Variants in TNKS observed in about 807,000 individuals in gnomAD.
The protein encoded by TNKS is poly [ADP-ribose] polymerase tankyrase-1.
Under a neutral mutation model 135.8 loss-of-function variants are expected in TNKS, and 72 were observed. That is an observed-to-expected ratio of 0.53 (90% CI 0.44 to 0.64). The LOEUF (loss-of-function observed/expected upper bound fraction) is 0.64. TNKS is among the 30% of genes least tolerant of loss of function. The pLI is 0.00. For synonymous variants in TNKS, 849 were observed against 649.3 expected (o/e 1.31, Z -4.68); for missense variants, 1,769 against 1,674.0 (o/e 1.06, Z -0.99).
intron 1 of TNKS, among the ~76,000 whole-genome samples, chr8:9,572,916 A>G (rs954685418): frequency 1.3e-5 from 2 of 152,072 alleles, no homozygotes; most frequent in Admixed American, 1.3e-4. Flanking sequence ...TCATAGCTGA[A>G]TTTTGTTTCA....
chr8:9,690,934 A>G (rs1264221492), intron 5 of TNKS, among the ~76,000 whole-genome samples: 1 of 152,162 alleles, frequency 6.6e-6, no homozygotes, highest in Non-Finnish European at 1.5e-5. Context: ...ACTTAATGGC[A>G]ACTAGTTCAA....
At chr8:9,599,466 G>A (rs1012639446) in intron 2 of TNKS, among the ~76,000 whole-genome samples, 2 of 152,192 alleles carry the variant, frequency 1.3e-5, no homozygotes, top group African/African-American at 4.8e-5. Flanking sequence ...CCCAAGGTCA[G>A]ACAGTTACTA....
chr8:9,710,551 C>T, intron 11 of TNKS: 1 of 467,812 alleles, frequency 2.1e-6, no homozygotes, highest in South Asian at 4.8e-5. Context: ...AACAGTTTAT[C>T]AGAAAATAAA....
At chr8:9,771,615 GA>G (rs1807874209) in intron 26 of TNKS, among the ~76,000 whole-genome samples, 1 of 122,836 alleles carries the variant, frequency 8.1e-6, no homozygotes, top group African/African-American at 3.2e-5. Context: ...GGGAGGAAGA[GA>G]GGAAGGAAAG....
At chr8:9,576,492 A>T (rs546789774) in intron 1 of TNKS, among the ~76,000 whole-genome samples, 16 of 130,342 alleles carry the variant, frequency 1.2e-4, no homozygotes, top group Middle Eastern at 4.2e-3. Flanking sequence ...TTTTTTTGAG[A>T]TGGAGTCTGG....
rs892126063 is a variant in TNKS at position 9,730,375 on chromosome 8, G to A, written c.2002-515G>A. Among the ~76,000 whole-genome samples the A allele has an allele frequency of 6.6e-5, 10 of 152,280 alleles. 1 individual carries two copies. Among genetic ancestry groups the A allele is most frequent in the African/African-American group, 2.4e-4 (10 of 41,558 alleles). On this transcript the variant is annotated intron_variant, in intron 13 of 26. Coordinates refer to ENST00000310430, the MANE Select transcript of TNKS (RefSeq NM_003747.3). ...CCCAAAAGGCAAGTAAAGCACTGTT[G>A]ACGACATAGCTTTGCTACAGTCAAT... is the stretch of plus-strand genomic sequence containing the variant.
rs973301276 is a variant in TNKS at position 9,779,970 on chromosome 8, T to G, written c.*3234T>G. 6.6e-6 allele frequency: 1 copy of G among 152,268 alleles called. No individual in the cohort carries two copies. Among genetic ancestry groups the G allele is most frequent in the Non-Finnish European group, 1.5e-5 (1 of 68,050 alleles). The allele number at this position is 152,268 out of a possible 1,614,324, so 9.4% of individuals were successfully genotyped here. ...TTGAGCTTGATGTTAGTGGCTAGAC[T>G]GATTTCCCTTTGCTCTCAAAATACA... On this transcript the variant is annotated 3_prime_UTR_variant, in exon 27 of 27. Coordinates refer to ENST00000310430, the MANE Select transcript of TNKS (RefSeq NM_003747.3).
rs745990794 is a variant in TNKS, at chr8:9,555,987, A to G, written c.48A>G (p.Gln16=). The change falls in exon 1 of 27, where the codon CAA becomes CAG. Residue 16 remains glutamine (Q), a synonymous_variant. Transcript: ENST00000310430. ...RSQHHHHHHQ[Q]QLQPAPGASA... ...AGCATCATCACCACCATCATCAACA[A>G]CAGCTCCAGCCCGCCCCAGGGGCTT... The G allele has an allele frequency of 5.0e-6, 8 of 1,613,354 alleles. No homozygotes were observed. The highest frequency in any genetic ancestry group is 4.4e-5 in the South Asian group (4 of 91,040).
rs1223134935 is a variant in TNKS at position 9,650,966 on chromosome 8, T to G, written c.995-28985T>G. On this transcript the variant is annotated intron_variant, in intron 3 of 26. Transcript: ENST00000310430. Reference sequence around the variant, plus strand: ...TTGTTTCAGGTCTTCGATTTAAGTCTTTGATCCATCTGGAATTGAATTTTA... The same window carrying G: ...TTGTTTCAGGTCTTCGATTTAAGTCGTTGATCCATCTGGAATTGAATTTTA... 2.6e-5 allele frequency among the ~76,000 whole-genome samples: 4 copies of G among 152,236 alleles called. No homozygotes were observed. In the East Asian group the frequency reaches 7.7e-4, roughly 29 times the overall value.
At chr8:9,756,149 A>T (rs944521125) in intron 20 of TNKS, among the ~76,000 whole-genome samples, 1 of 152,106 alleles carries the variant, frequency 6.6e-6, no homozygotes, top group African/African-American at 2.4e-5. Flanking sequence ...TGGTTAACCT[A>T]TGTATTTTCA....
At chr8:9,615,855 A>T (rs1320215816) in intron 3 of TNKS, among the ~76,000 whole-genome samples, 178 bp downstream of exon 3, 1 of 152,224 alleles carries the variant, frequency 6.6e-6, no homozygotes, top group East Asian at 1.9e-4. Context: ...TGCTGTCGTA[A>T]GCATAAGCAG....
chr8:9,680,954 G>A (rs933921905), intron 5 of TNKS, 154 bp downstream of exon 5: 30 of 516,542 alleles, frequency 5.8e-5, no homozygotes, highest in African/African-American at 4.8e-4. Flanking sequence ...GTTATTGGCA[G>A]TTGTGACACA....
intron 3 of TNKS, among the ~76,000 whole-genome samples, chr8:9,650,602 T>G (rs1585277633): frequency 1.3e-5 from 2 of 152,198 alleles, no homozygotes; most frequent in South Asian, 4.1e-4. Flanking sequence ...TGTTGGCCAC[T>G]TGTGTATCTT....
chr8:9,697,221 A>AT (rs1803559747), intron 5 of TNKS, among the ~76,000 whole-genome samples: 1 of 152,222 alleles, frequency 6.6e-6, no homozygotes, highest in Non-Finnish European at 1.5e-5. Context: ...TATGCAAGAA[A>AT]TAGTGCTGGG....
intron 14 of TNKS, among the ~76,000 whole-genome samples, chr8:9,732,776 C>T (rs1387480059): frequency 6.6e-6 from 1 of 152,082 alleles, no homozygotes; most frequent in East Asian, 1.9e-4. Flanking sequence ...TAGTTGACAT[C>T]GTCATTTTTC....
chr8:9,722,707 TC>T (rs1423701541), intron 12 of TNKS, among the ~76,000 whole-genome samples: 2 of 152,210 alleles, frequency 1.3e-5, no homozygotes, highest in Non-Finnish European at 2.9e-5. Context: ...TGTTAAAATT[TC>T]TAAATTTTCT....
At chr8:9,625,751 CTG>C (rs1327411132) in intron 3 of TNKS, among the ~76,000 whole-genome samples, 1 of 152,106 alleles carries the variant, frequency 6.6e-6, no homozygotes, top group African/African-American at 2.4e-5. Context: ...GAACAATACT[CTG>C]TATGATTTCA....
chr8:9,765,330 C>T (rs1418752597), intron 23 of TNKS, among the ~76,000 whole-genome samples: 1 of 152,050 alleles, frequency 6.6e-6, no homozygotes, highest in Non-Finnish European at 1.5e-5. Flanking sequence ...TGGTACACAT[C>T]AGAATAACCC....
intron 3 of TNKS, among the ~76,000 whole-genome samples, chr8:9,618,419 TACTC>T (rs1038133952): frequency 2.0e-5 from 3 of 152,172 alleles, no homozygotes; most frequent in African/African-American, 7.2e-5. Context: ...TGAGAAGACT[TACTC>T]AGAGAGACTC....
Sources: gnomAD v4.1 joint callset for allele counts (sites outside exome capture counted in the v4.1 genomes callset) on GRCh38, gnomAD v4.1.1 for gene constraint, MANE v1.5 for transcripts, NCBI Gene and HGNC (gene_info 2026-07-23, HGNC 2026-07-21) for gene names.